Variants in PPARA observed in about 807,000 individuals in gnomAD.
PPARA encodes peroxisome proliferator activated receptor alpha.
Under a neutral mutation model 42.2 loss-of-function variants are expected in PPARA, and 22 were observed. That is an observed-to-expected ratio of 0.52 (90% CI 0.37 to 0.74). The LOEUF is 0.74. Among genes scored for constraint, PPARA ranks in the 30% least tolerant of loss-of-function variants. The pLI is 0.00. For missense variants in PPARA, 465 were observed against 608.2 expected, an observed-to-expected ratio of 0.76 and a Z score of 2.48; for synonymous variants, 242 against 239.3, an observed-to-expected ratio of 1.01 and a Z score of -0.10.
rs1200461448 is a variant in PPARA at position 46,183,430 on chromosome 22, C to T, written c.-43+6594C>T. Among the ~76,000 whole-genome samples the T allele has an allele frequency of 1.3e-5, 2 of 152,172 alleles. No individual in the cohort carries two copies. The highest frequency in any genetic ancestry group is 2.9e-5 in the Non-Finnish European group (2 of 68,032). The stretch of plus-strand genomic sequence containing the variant: ...CAGATAAACTGGGAAAGAAAAATAA[C>T]TTGTGAGTAATTCAGAATCTGGATT... On this transcript the variant is annotated intron_variant, in intron 3 of 8. Transcript: ENST00000407236. This position sits in a 1 kb window ranked among gnomAD's most constrained non-coding sequence, Gnocchi z 5.5.
At position 46,232,804 on chromosome 22, in the gene PPARA, C is replaced by T. The variant is rs1353989404; in HGVS notation, c.1159+565C>T. Among the ~76,000 whole-genome samples the T allele has an allele frequency of 1.3e-5, 2 of 148,598 alleles. No individual in the cohort carries two copies. Among genetic ancestry groups the T allele is most frequent in the Admixed American group, 6.7e-5 (1 of 14,910 alleles). On this transcript the variant is annotated intron_variant, in intron 8 of 8. Transcript: ENST00000407236. The surrounding 1 kb of genome is among the most constrained non-coding windows in gnomAD (Gnocchi z 5.3). ...CAGCCTGGGCAACATGGCAAGACCC[C>T]GTCTCTACAAAAAAAAAAATAGAAA...
At chr22:46,228,946 T>TA (rs1400063755) in intron 7 of PPARA, among the ~76,000 whole-genome samples, 4 of 148,180 alleles carry the variant, frequency 2.7e-5, no homozygotes, top group African/African-American at 1.0e-4. Context: ...CTACTAAAAA[T>TA]ACAAAAAAAA....
intron 2 of PPARA, among the ~76,000 whole-genome samples, chr22:46,176,350 C>G (rs1057226000): frequency 2.0e-5 from 3 of 151,912 alleles, no homozygotes; most frequent in Non-Finnish European, 4.4e-5. Context: ...GCCAAGCATG[C>G]TGGCATGTGC....
At position 46,243,329 on chromosome 22, in the gene PPARA, T is replaced by G. The variant is rs557916076; in HGVS notation, c.*7949T>G. On this transcript the variant is annotated 3_prime_UTR_variant, in exon 9 of 9. Coordinates refer to ENST00000407236, the MANE Select transcript of PPARA (RefSeq NM_005036.6). The surrounding 1 kb of genome is among the most constrained non-coding windows in gnomAD (Gnocchi z 5.0). Reference sequence around the variant, plus strand: ...TAGTGAGTGCCTTATACTCTCAGTATTTTGGGGCTTACAGCTTCTTATTTG... The same window carrying G: ...TAGTGAGTGCCTTATACTCTCAGTAGTTTGGGGCTTACAGCTTCTTATTTG... 2 of 152,254 alleles carry G rather than the reference T, an allele frequency of 1.3e-5. No individual in the cohort carries two copies. The highest frequency in any genetic ancestry group is 4.2e-4 in the South Asian group (2 of 4,814). 9.4% of individuals were successfully genotyped at this position (152,254 alleles called of 1,614,324 possible).
At chr22:46,209,873 G>A (rs1216423187) in intron 4 of PPARA, among the ~76,000 whole-genome samples, 1 of 152,026 alleles carries the variant, frequency 6.6e-6, no homozygotes, top group Non-Finnish European at 1.5e-5. Flanking sequence ...AGCCTCCTAT[G>A]TAGCTGGGAC....
chr22:46,155,341 T>C (rs1210690690), intron 2 of PPARA: 3 of 151,990 alleles, frequency 2.0e-5, no homozygotes, highest in African/African-American at 7.3e-5. Flanking sequence ...TGAGACGGAG[T>C]TTAGCTCTTG....
At chr22:46,174,392 T>C (rs1048841678) in intron 2 of PPARA, among the ~76,000 whole-genome samples, 2 of 151,926 alleles carry the variant, frequency 1.3e-5, no homozygotes, top group African/African-American at 4.8e-5. Context: ...TACTTCCAAA[T>C]AAAAAGTTAA....
rs1450828048 is a variant in PPARA at position 46,173,031 on chromosome 22, G to A, written c.-126-3722G>A. 1.3e-5 allele frequency among the ~76,000 whole-genome samples: 2 copies of A among 152,154 alleles called. No homozygotes were observed. The highest frequency in any genetic ancestry group is 2.9e-5 in the Non-Finnish European group (2 of 68,032). On this transcript the variant is annotated intron_variant, in intron 2 of 8. Coordinates refer to ENST00000407236, the MANE Select transcript of PPARA (RefSeq NM_005036.6). The surrounding 1 kb of genome is among the most constrained non-coding windows in gnomAD (Gnocchi z 4.3). ...TAAATGGCTTGCTTCTGCTCCCTTA[G>A]TGTTCTTGTCACTTTAAGTTGCATT...
At chr22:46,213,582 T>C (rs12168403) in intron 4 of PPARA, among the ~76,000 whole-genome samples, 1 of 143,592 alleles carries the variant, frequency 7.0e-6, no homozygotes, top group Non-Finnish European at 1.5e-5. Flanking sequence ...TAACTTTTTC[T>C]TTTTTTTTTC....
chr22:46,157,639 C>G (rs1456648079), intron 2 of PPARA, among the ~76,000 whole-genome samples: 1 of 152,214 alleles, frequency 6.6e-6, no homozygotes, highest in Non-Finnish European at 1.5e-5. Context: ...CTCTTTCTTT[C>G]TGCAAGATCA....
At position 46,158,994 on chromosome 22, in the gene PPARA, G is replaced by A. The variant is rs538860803; in HGVS notation, c.-127+7024G>A. ...AACCTCTGCCTCCGGGGTTCCAGTG[G>A]TTCTCCTACCTCAGCCTCCTGAGAA... On this transcript the variant is annotated intron_variant, in intron 2 of 8. Coordinates refer to ENST00000407236, the MANE Select transcript of PPARA (RefSeq NM_005036.6). Among the ~76,000 whole-genome samples, 644 of 152,170 alleles carry A rather than the reference G, an allele frequency of 4.2e-3. 1 individual carries two copies. Among genetic ancestry groups the A allele is most frequent in the Middle Eastern group, 0.024 (7 of 294 alleles).
Position 46,157,595 on chromosome 22 carries a change from A to G in PPARA, c.-127+5625A>G, listed in dbSNP as rs144905180. On this transcript the variant is annotated intron_variant, in intron 2 of 8. Transcript: ENST00000407236. Reference sequence around the variant, plus strand: ...ATATTATGGATTAAATAGAATTTTTATAAGATGACCTGAGGATCTATTTAA... The same window carrying G: ...ATATTATGGATTAAATAGAATTTTTGTAAGATGACCTGAGGATCTATTTAA... Among the ~76,000 whole-genome samples, 984 of 152,350 alleles carry G rather than the reference A, an allele frequency of 6.5e-3. 7 individuals carry two copies. The highest frequency in any genetic ancestry group is 0.022 in the African/African-American group (930 of 41,580).
chr22:46,220,591 C>T (rs1403554368), intron 7 of PPARA: 1 of 164,424 alleles, frequency 6.1e-6, no homozygotes, highest in Non-Finnish European at 1.3e-5. Context: ...CCTCGGCCTC[C>T]CAAAGCACTG....
At chr22:46,166,347 G>C (rs1210699819) in intron 2 of PPARA, among the ~76,000 whole-genome samples, 1 of 152,200 alleles carries the variant, frequency 6.6e-6, no homozygotes, top group Non-Finnish European at 1.5e-5. Context: ...GCCAGGTGTG[G>C]TGGCTCATGC....
intron 3 of PPARA, among the ~76,000 whole-genome samples, chr22:46,185,958 T>TACACAC (rs1569207905): frequency 3.7e-5 from 2 of 54,082 alleles, no homozygotes; most frequent in African/African-American, 1.4e-4. Context: ...TATATATATA[T>TACACAC]ATATATACAC....
chr22:46,203,805 C>T lies in PPARA; in HGVS notation c.208+5214C>T, dbSNP rs920966013. ...TTCTCCCAATGCCCAGGTGGGTCCC[C>T]GTCCCTTGCGGGCCTGTCCAGACAA... On this transcript the variant is annotated intron_variant, in intron 4 of 8. Coordinates refer to ENST00000407236, the MANE Select transcript of PPARA (RefSeq NM_005036.6). This position sits in a 1 kb window ranked among gnomAD's most constrained non-coding sequence, Gnocchi z 5.8. 2.6e-5 allele frequency among the ~76,000 whole-genome samples: 4 copies of T among 152,184 alleles called. No homozygotes were observed. Among genetic ancestry groups the T allele is most frequent in the East Asian group, 1.9e-4 (1 of 5,196 alleles).
rs559250611 is a variant in PPARA, at chr22:46,225,251, T to C, written c.711+5237T>C. 1.3e-5 allele frequency among the ~76,000 whole-genome samples: 2 copies of C among 152,158 alleles called. No homozygotes were observed. The highest frequency in any genetic ancestry group is 2.9e-5 in the Non-Finnish European group (2 of 67,992). Reference sequence around the variant, plus strand: ...GTGGGCCAGAAAATGGTCAGGGCCCTTGGTGATGGGGAAGGGCGCCTCTGG... The same window carrying C: ...GTGGGCCAGAAAATGGTCAGGGCCCCTGGTGATGGGGAAGGGCGCCTCTGG... On this transcript the variant is annotated intron_variant, in intron 7 of 8. Transcript: ENST00000407236. This position sits in a 1 kb window ranked among gnomAD's most constrained non-coding sequence, Gnocchi z 4.1.
rs1288368629 is a variant in PPARA, at chr22:46,216,572, A to T, written c.369+1239A>T. Among the ~76,000 whole-genome samples, 2 of 152,192 alleles carry T rather than the reference A, an allele frequency of 1.3e-5. No individual in the cohort carries two copies. The highest frequency in any genetic ancestry group is 2.9e-5 in the Non-Finnish European group (2 of 68,032). ...CAGAGTATCTTGCTTAGGGTCCCAC[A>T]GCCCCCAGCAGCAGGGACTGGAACC... On this transcript the variant is annotated intron_variant, in intron 5 of 8. Transcript: ENST00000407236. The surrounding 1 kb of genome is among the most constrained non-coding windows in gnomAD (Gnocchi z 4.5).
intron 3 of PPARA, among the ~76,000 whole-genome samples, chr22:46,186,913 A>G (rs138705205): frequency 6.6e-6 from 1 of 152,310 alleles, no homozygotes; most frequent in Non-Finnish European, 1.5e-5. Context: ...TAGGCACAGT[A>G]GGAGACTAAC....
Sources: allele counts gnomAD v4.1 joint callset (sites outside exome capture counted in the v4.1 genomes callset), GRCh38; gene constraint gnomAD v4.1.1; non-coding constraint Gnocchi (gnomAD v3.1); transcripts MANE v1.5; gene names NCBI Gene and HGNC (gene_info 2026-07-23, HGNC 2026-07-21).